SLIT2: variants seen among roughly 807,000 people sequenced by gnomAD.
SLIT2 encodes the protein slit guidance ligand 2.
In SLIT2, 41 loss-of-function variants were observed where a neutral mutation model predicts 185.7. That is an observed-to-expected ratio of 0.22 (90% CI 0.17 to 0.29). The LOEUF (loss-of-function observed/expected upper bound fraction) is 0.29, where lower values mean the gene tolerates loss of function less well. Among genes scored for constraint, SLIT2 ranks in the 10% least tolerant of loss-of-function variants. The pLI is 1.00. For synonymous variants in SLIT2, 693 were observed against 680.2 expected, an observed-to-expected ratio of 1.02 and a Z score of -0.29; for missense variants, 1,571 against 1,909.0, an observed-to-expected ratio of 0.82 and a Z score of 3.30.
At chr4:20,425,313 T>TA (rs1249715479) in intron 4 of SLIT2, among the ~76,000 whole-genome samples, 2 of 152,158 alleles carry the variant, frequency 1.3e-5, no homozygotes, top group Admixed American at 6.6e-5. Context: ...ATGTCATTTT[T>TA]AAAAAACTCA....
At chr4:20,418,989 TTC>T (rs1302738477) in intron 4 of SLIT2, among the ~76,000 whole-genome samples, 21 of 152,314 alleles carry the variant, frequency 1.4e-4, no homozygotes, top group African/African-American at 4.6e-4. Context: ...GTACGATACT[TTC>T]TGTTTCCCTT....
chr4:20,434,097 A>T (rs1336912114), intron 4 of SLIT2, among the ~76,000 whole-genome samples: 1 of 152,150 alleles, frequency 6.6e-6, no homozygotes, highest in African/African-American at 2.4e-5. Flanking sequence ...TCTCCAGGGA[A>T]TGGCCGTCAT....
intron 4 of SLIT2, among the ~76,000 whole-genome samples, chr4:20,343,571 G>A (rs943729008): frequency 6.6e-6 from 1 of 151,602 alleles, no homozygotes; most frequent in South Asian, 2.1e-4. Context: ...ACAGCATCAC[G>A]GCTCACAGCA....
intron 4 of SLIT2, among the ~76,000 whole-genome samples, chr4:20,372,581 C>G (rs552349501): frequency 6.6e-6 from 1 of 151,916 alleles, no homozygotes; most frequent in Non-Finnish European, 1.5e-5. Context: ...AGCATGGATC[C>G]TGCTAAATTC....
chr4:20,492,706 T>G (rs576139728), intron 9 of SLIT2, among the ~76,000 whole-genome samples: 7 of 152,338 alleles, frequency 4.6e-5, no homozygotes, highest in Admixed American at 1.3e-4. Context: ...ATAAATTATC[T>G]TGGATTTTTG....
intron 4 of SLIT2, among the ~76,000 whole-genome samples, chr4:20,440,879 ATC>A (rs1729689289): frequency 6.6e-6 from 1 of 152,184 alleles, no homozygotes; most frequent in South Asian, 2.1e-4. Context: ...TTGAGGAGTC[ATC>A]GTACCCAAAC....
At chr4:20,511,587 A>ATT (rs759622666) in intron 11 of SLIT2, among the ~76,000 whole-genome samples, 7 of 82,208 alleles carry the variant, frequency 8.5e-5, no homozygotes, top group Admixed American at 1.6e-4. Context: ...CATCCAGCTA[A>ATT]TTTTTTTTTT....
At chr4:20,442,449 A>G (rs1418140574) in intron 4 of SLIT2, among the ~76,000 whole-genome samples, 1 of 145,386 alleles carries the variant, frequency 6.9e-6, no homozygotes, top group Non-Finnish European at 1.5e-5. Flanking sequence ...GTGTGAGCCC[A>G]GGAGGCGGAG....
intron 4 of SLIT2, among the ~76,000 whole-genome samples, chr4:20,324,953 G>A (rs1179764865): frequency 1.3e-5 from 2 of 151,932 alleles, no homozygotes; most frequent in Non-Finnish European, 2.9e-5. Context: ...TTTGCTTTTT[G>A]GTCTAGTTTT....
chr4:20,362,498 G>A (rs553750731), intron 4 of SLIT2, among the ~76,000 whole-genome samples: 131 of 151,890 alleles, frequency 8.6e-4, no homozygotes, highest in African/African-American at 2.9e-3. Flanking sequence ...ATTTTGATCT[G>A]GGTTACATAC....
chr4:20,282,809 C>A (rs1714901391), intron 4 of SLIT2, among the ~76,000 whole-genome samples: 5 of 152,152 alleles, frequency 3.3e-5, no homozygotes, highest in Admixed American at 3.3e-4. Context: ...CAGTTTTTAG[C>A]TTTTCCAATG....
intron 9 of SLIT2, among the ~76,000 whole-genome samples, chr4:20,501,164 T>A (rs1718695763): frequency 6.6e-6 from 1 of 152,198 alleles, no homozygotes; most frequent in African/African-American, 2.4e-5. Flanking sequence ...ATATTATGAT[T>A]TCATCAGGTA....
intron 5 of SLIT2, 60 bp from the exon 6 acceptor site, chr4:20,480,656 A>G (rs1429990934): frequency 1.5e-6 from 2 of 1,345,882 alleles, no homozygotes; most frequent in African/African-American, 1.4e-5. Flanking sequence ...GAAACTTCTC[A>G]TCACCTACCC....
chr4:20,389,727 G>A (rs1438991722), intron 4 of SLIT2, among the ~76,000 whole-genome samples: 1 of 152,126 alleles, frequency 6.6e-6, no homozygotes, highest in Non-Finnish European at 1.5e-5. Context: ...TGAATGAGGA[G>A]CAGATGTGAA....
intron 26 of SLIT2, among the ~76,000 whole-genome samples, chr4:20,566,380 A>T (rs1725091940): frequency 6.6e-6 from 1 of 152,086 alleles, no homozygotes; most frequent in Non-Finnish European, 1.5e-5. Flanking sequence ...GTGAGCTCTC[A>T]CACAGAATGC....
At chr4:20,568,116 A>G in intron 28 of SLIT2, among the ~76,000 whole-genome samples, 1 of 152,122 alleles carries the variant, frequency 6.6e-6, no homozygotes, top group Non-Finnish European at 1.5e-5. Flanking sequence ...ATATGGTACA[A>G]TTACTTCAGA....
chr4:20,410,012 T>A (rs1037251401), intron 4 of SLIT2, among the ~76,000 whole-genome samples: 4 of 152,106 alleles, frequency 2.6e-5, no homozygotes, highest in African/African-American at 9.7e-5. Flanking sequence ...TCCCATTGAG[T>A]AGGTTGTCTG....
chr4:20,311,682 T>A (rs1718122219), intron 4 of SLIT2, among the ~76,000 whole-genome samples: 1 of 152,210 alleles, frequency 6.6e-6, no homozygotes, highest in Middle Eastern at 3.2e-3. Flanking sequence ...GTAACTATTC[T>A]AATTGAGAAT....
chr4:20,569,773 T>C (rs1410095129), intron 29 of SLIT2, among the ~76,000 whole-genome samples: 2 of 151,924 alleles, frequency 1.3e-5, no homozygotes, highest in Admixed American at 6.6e-5. Flanking sequence ...AGAAAAAAAA[T>C]GGAGAAGTAA....
Sources: gnomAD v4.1 joint callset for allele counts (sites outside exome capture counted in the v4.1 genomes callset) on GRCh38, gnomAD v4.1.1 for gene constraint, MANE v1.5 for transcripts, NCBI Gene and HGNC (gene_info 2026-07-23, HGNC 2026-07-21) for gene names.